HSPB7: variants seen among roughly 807,000 people sequenced by gnomAD.
The protein encoded by HSPB7 is heat shock protein beta-7.
Under a neutral mutation model 11.0 loss-of-function variants are expected in HSPB7, and 9 were observed. The ratio of observed to expected loss-of-function variants is 0.82; its 90% CI spans 0.49 to 1.43. The LOEUF (loss-of-function observed/expected upper bound fraction) is 1.43. Among genes scored for constraint, HSPB7 ranks in the 40% most tolerant of loss-of-function variants. The pLI, the probability that HSPB7 is intolerant of heterozygous loss-of-function variation, is 0.00. For missense variants in HSPB7, 246 were observed against 243.9 expected, an observed-to-expected ratio of 1.01 and a Z score of -0.06; for synonymous variants, 102 against 101.6, an observed-to-expected ratio of 1.00 and a Z score of -0.02.
chr1:16,018,168 C>T (rs910892797), upstream of HSPB7: 11 of 1,535,342 alleles, frequency 7.2e-6, no homozygotes, highest in South Asian at 1.2e-5. Flanking sequence ...TTCTCCCGTG[C>T]GCCGGCCCTG....
At chr1:16,018,846 G>C, upstream of HSPB7, 2 of 1,281,118 alleles carry the variant, frequency 1.6e-6, no homozygotes, top group Non-Finnish European at 2.0e-6. Flanking sequence ...TTCTGGGCAT[G>C]GGCTCCTGGC....
At chr1:16,016,804 T>TGA (rs1285554784) in intron 2 of HSPB7, among the ~76,000 whole-genome samples, 24 of 150,810 alleles carry the variant, frequency 1.6e-4, no homozygotes, top group African/African-American at 5.8e-4. Flanking sequence ...TCTGCCCACA[T>TGA]CCCTCCATCC....
upstream of HSPB7, chr1:16,019,072 C>T (rs146968800): frequency 5.7e-4 from 790 of 1,389,318 alleles, 1 homozygote; most frequent in African/African-American, 0.01. Flanking sequence ...GACAGGCTGG[C>T]CCGGAAGAGC....
chr1:16,018,984 A>G (rs2021959293), upstream of HSPB7: 2 of 989,864 alleles, frequency 2.0e-6, no homozygotes, highest in African/African-American at 1.6e-5. Flanking sequence ...CGTAAGTGGC[A>G]GAGCTGGGAT....
Position 16,017,847 on chromosome 1 carries a change from C to G in HSPB7, c.117G>C (p.Pro39=), listed in dbSNP as rs749251286. 89 of 1,613,652 alleles carry G rather than the reference C, an allele frequency of 5.5e-5. No individual in the cohort carries two copies. The highest frequency in any genetic ancestry group is 6.9e-5 in the Non-Finnish European group (82 of 1,179,878). ...ACATGCTCAGGGCCTTCTCCATGGG[C>G]GGGTCCTGGGCCGGGAGAGCACGGG... ...SASRALPAQD[P]PMEKALSMFS... The change falls in exon 1 of 3, where the codon CCG becomes CCC. Residue 39 remains proline (P), a synonymous_variant. Coordinates refer to ENST00000311890, the MANE Select transcript of HSPB7 (RefSeq NM_014424.5).
Position 16,017,868 on chromosome 1 carries a change from A to ACGGGAGGC in HSPB7, c.88_95dup (p.Ala33ProfsTer16), listed in dbSNP as rs1557440675. On this transcript the variant is annotated frameshift_variant, in exon 1 of 3. Coordinates refer to ENST00000311890, the MANE Select transcript of HSPB7 (RefSeq NM_014424.5). LOFTEE classifies it high-confidence loss of function. ...TGGGCGGGTCCTGGGCCGGGAGAGC[A>ACGGGAGGC]CGGGAGGCCGAGGAGGAGGTGGAAG... The ACGGGAGGC allele has an allele frequency of 1.2e-6, 2 of 1,613,948 alleles. No individual in the cohort carries two copies. The highest frequency in any genetic ancestry group is 1.7e-6 in the Non-Finnish European group (2 of 1,179,918).
In HSPB7 at chr1:16,015,904, G is replaced by A. The variant is rs2021684953; in HGVS notation, c.334-145C>T. The A allele has an allele frequency of 1.3e-6, 1 of 767,138 alleles. No individual in the cohort carries two copies. 47.5% of individuals were successfully genotyped at this position (767,138 alleles called of 1,614,324 possible). ...CCTCAGGTGCCGAGGGGCTGCCCAG[G>A]GTGGTGATGGCCACAGGCCAAAGGC... On this transcript the variant is annotated intron_variant, in intron 2 of 2. Coordinates refer to ENST00000311890, the MANE Select transcript of HSPB7 (RefSeq NM_014424.5). The surrounding 1 kb of genome is among the most constrained non-coding windows in gnomAD (Gnocchi z 4.9).
At position 16,014,066 on chromosome 1, in the gene HSPB7, G is replaced by A. The variant is rs2073184374; in HGVS notation, c.*1514C>T. 6.6e-6 allele frequency: 1 copy of A among 152,356 alleles called. No homozygotes were observed. The highest frequency in any genetic ancestry group is 6.5e-5 in the Admixed American group (1 of 15,280). 9.4% of individuals were successfully genotyped at this position (152,356 alleles called of 1,614,324 possible). Reference sequence around the variant, plus strand: ...TCCTTTATTGTGTATACAGGTTCCAGCGTCAGGGCTCTCCCACGGCCCCCT... The same window carrying A: ...TCCTTTATTGTGTATACAGGTTCCAACGTCAGGGCTCTCCCACGGCCCCCT... On this transcript the variant is annotated 3_prime_UTR_variant, in exon 3 of 3. Transcript: ENST00000311890.
At position 16,016,251 on chromosome 1, in the gene HSPB7, G is replaced by A. The variant is rs185863358; in HGVS notation, c.334-492C>T. ...TGGCACATGCTGCCTGTGGGTTTTG[G>A]TGCCCCCAGTCCATGGCATCCCTGG... On this transcript the variant is annotated intron_variant, in intron 2 of 2. Transcript: ENST00000311890. Among the ~76,000 whole-genome samples, 3 of 152,318 alleles carry A rather than the reference G, an allele frequency of 2.0e-5. No homozygotes were observed. In the East Asian group the frequency reaches 5.8e-4, roughly 29 times the overall value.
Position 16,017,898 on chromosome 1 carries a change from G to A in HSPB7, c.66C>T (p.Ser22=), listed in dbSNP as rs771922342. Residue 22 remains serine, a synonymous_variant, in exon 1 of 3, where the codon TCC becomes TCT. Coordinates refer to ENST00000311890, the MANE Select transcript of HSPB7 (RefSeq NM_014424.5). ...ERSFHSSSSS[S]SSSTSSSASR... ...AGGCCGAGGAGGAGGTGGAAGAGGAGGAGGAAGAGGAAGAGGAATGGAAAC... is the reference window on the plus strand; with the variant it reads ...AGGCCGAGGAGGAGGTGGAAGAGGAAGAGGAAGAGGAAGAGGAATGGAAAC... The A allele has an allele frequency of 1.2e-6, 2 of 1,613,576 alleles. No individual in the cohort carries two copies. The highest frequency in any genetic ancestry group is 1.1e-5 in the South Asian group (1 of 91,076).
At chr1:16,019,480 G>T (rs1229566936), upstream of HSPB7, 1 of 1,538,712 alleles carries the variant, frequency 6.5e-7, no homozygotes, top group African/African-American at 1.4e-5. Flanking sequence ...TAGATTGAAG[G>T]TTCTTGAAGA....
chr1:16,017,705 C>T (rs1005094536), intron 1 of HSPB7, 60 bp downstream of exon 1: 1 of 1,423,616 alleles, frequency 7.0e-7, no homozygotes, highest in African/African-American at 1.5e-5. Flanking sequence ...TCGGTGGCGC[C>T]CTGGAGCAGA....
chr1:16,018,524 C>T, upstream of HSPB7: 1 of 1,091,516 alleles, frequency 9.2e-7, no homozygotes, highest in African/African-American at 1.7e-5. Flanking sequence ...GGCAGACAAC[C>T]TTCACAGCCC....
upstream of HSPB7, chr1:16,019,003 A>C (rs1237128134): frequency 1.0e-6 from 1 of 993,838 alleles, no homozygotes; most frequent in Non-Finnish European, 1.4e-6. Context: ...ATTCGAACCT[A>C]GATGTGTTGG....
intron 2 of HSPB7, among the ~76,000 whole-genome samples, chr1:16,016,771 A>C (rs2021758554): frequency 6.7e-6 from 1 of 149,716 alleles, no homozygotes; most frequent in Admixed American, 6.6e-5. Flanking sequence ...TCCCACCCTC[A>C]AGCCCCACCC....
Position 16,015,669 on chromosome 1 carries a change from G to C in HSPB7, c.424C>G (p.Arg142Gly). 6.2e-7 allele frequency: 1 copy of C among 1,613,504 alleles called. No homozygotes were observed. The highest frequency in any genetic ancestry group is 8.5e-7 in the Non-Finnish European group (1 of 1,179,784). Residue 142 changes from arginine (R) to glycine (G), a missense_variant, in exon 3 of 3, where the codon CGG (arginine) becomes GGG (glycine). Physicochemically the swap from Arg to Gly is moderately radical, Grantham distance 125. Transcript: ENST00000311890. This position sits in a 1 kb window ranked among gnomAD's most constrained non-coding sequence, Gnocchi z 4.9. ...CGGATAGTGAGGCTGCCGTCCTCCC[G>C]CAGAGCCGAGGTCACCGACGTCGGG... ...VDPTSVTSAL[R>G]EDGSLTIRAR...
rs751480347 is a variant in HSPB7 at position 16,018,042 on chromosome 1, G to T, written c.-79C>A. The T allele has an allele frequency of 6.2e-6, 10 of 1,608,394 alleles. No homozygotes were observed. The highest frequency in any genetic ancestry group is 1.7e-4 in the Middle Eastern group (1 of 6,032). ...TGTGGGCGCAGGCCTCTGGGCGAGC[G>T]TGCCAGGCTCCGACTGCGGCCGCTT... On this transcript the variant is annotated 5_prime_UTR_variant, in exon 1 of 3. Transcript: ENST00000311890.
At chr1:16,017,315 TC>T (rs1470471874) in intron 1 of HSPB7, 108 bp from the exon 2 acceptor site, 11 of 1,435,878 alleles carry the variant, frequency 7.7e-6, no homozygotes, top group African/African-American at 5.7e-5. Context: ...AGGCCCTACC[TC>T]CCCCCTAGCT....
chr1:16,018,160 C>A (rs1253312864), upstream of HSPB7: 2 of 1,538,598 alleles, frequency 1.3e-6, no homozygotes, highest in African/African-American at 1.4e-5. Context: ...TGGAAATCTT[C>A]TCCCGTGCGC....
Sources: allele counts gnomAD v4.1 joint callset (sites outside exome capture counted in the v4.1 genomes callset), GRCh38; gene constraint gnomAD v4.1.1; non-coding constraint Gnocchi (gnomAD v3.1); transcripts MANE v1.5; gene names NCBI Gene and HGNC (gene_info 2026-07-23, HGNC 2026-07-21).